SCGN: variants seen among roughly 807,000 people sequenced by gnomAD.
SCGN encodes the protein secretagogin, EF-hand calcium binding protein, also known as secretagogin.
Under a neutral mutation model 39.7 loss-of-function variants are expected in SCGN, and 30 were observed. The observed-to-expected ratio is 0.76, with a 90% confidence interval of 0.57 to 1.03. The LOEUF (loss-of-function observed/expected upper bound fraction) is 1.03. SCGN is among the 50% of genes least tolerant of loss of function. The pLI is 0.00. For missense variants in SCGN, 353 were observed against 349.4 expected (o/e 1.01, Z -0.08); for synonymous variants, 106 against 114.1 (o/e 0.93, Z 0.45).
intron 10 of SCGN, among the ~76,000 whole-genome samples, chr6:25,697,131 C>G (rs1038350650): frequency 1.3e-5 from 2 of 152,072 alleles, no homozygotes; most frequent in African/African-American, 4.8e-5. Flanking sequence ...GTAAAGTGAT[C>G]CTAAAGGAAC....
chr6:25,652,714 C>A (rs1286892343), intron 1 of SCGN, among the ~76,000 whole-genome samples: 3 of 152,168 alleles, frequency 2.0e-5, no homozygotes, highest in Admixed American at 2.0e-4. Flanking sequence ...CCTTTCCAAT[C>A]TCTCTTTGTG....
chr6:25,661,035 C>G (rs1002105989), intron 2 of SCGN, among the ~76,000 whole-genome samples: 7 of 152,158 alleles, frequency 4.6e-5, no homozygotes, highest in Admixed American at 4.6e-4. Flanking sequence ...TTGGTTAACT[C>G]GGCAATTACC....
intron 6 of SCGN, among the ~76,000 whole-genome samples, chr6:25,679,449 C>A (rs912647339): frequency 6.6e-6 from 1 of 151,838 alleles, no homozygotes; most frequent in African/African-American, 2.4e-5. Context: ...AAATGAGCAC[C>A]CTTGCAGCTT....
chr6:25,675,453 G>A (rs528528407), intron 6 of SCGN, among the ~76,000 whole-genome samples: 2 of 152,312 alleles, frequency 1.3e-5, no homozygotes, highest in Admixed American at 6.5e-5. Flanking sequence ...CTGCTTTCAC[G>A]CCACTGTAAG....
intron 2 of SCGN, among the ~76,000 whole-genome samples, chr6:25,657,476 C>T (rs1319769943): frequency 6.6e-6 from 1 of 152,002 alleles, no homozygotes; most frequent in African/African-American, 2.4e-5. Flanking sequence ...GTGAAAGGTG[C>T]TTTTAGTTGC....
At chr6:25,700,241 CAA>C (rs34079471) in intron 10 of SCGN, among the ~76,000 whole-genome samples, 3 of 100,860 alleles carry the variant, frequency 3.0e-5, no homozygotes, top group South Asian at 3.7e-4. Context: ...GACTTCGTCT[CAA>C]AAAAAAAAAA....
intron 2 of SCGN, among the ~76,000 whole-genome samples, chr6:25,656,520 C>CT (rs1760230687): frequency 6.6e-6 from 1 of 152,196 alleles, no homozygotes; most frequent in Non-Finnish European, 1.5e-5. Context: ...CAAACCTTTT[C>CT]TTTCCAAATG....
At chr6:25,689,341 G>A (rs1379149034) in intron 8 of SCGN, 124 bp downstream of exon 8, 13 of 1,136,192 alleles carry the variant, frequency 1.1e-5, no homozygotes, top group Non-Finnish European at 1.7e-5. Context: ...AAACAGACAA[G>A]GATCAGCATG....
At chr6:25,667,765 G>A (rs1186863159) in intron 4 of SCGN, among the ~76,000 whole-genome samples, 1 of 151,920 alleles carries the variant, frequency 6.6e-6, no homozygotes, top group Non-Finnish European at 1.5e-5. Flanking sequence ...TCTTTACTTT[G>A]TCTTTATTCT....
rs779105519 is a variant in SCGN, at chr6:25,669,991, C to A, written c.394-8C>A. 6.2e-7 allele frequency: 1 copy of A among 1,610,796 alleles called. No individual in the cohort carries two copies. The highest frequency in any genetic ancestry group is 2.2e-5 in the East Asian group (1 of 44,850). On this transcript the variant is annotated splice_polypyrimidine_tract_variant and splice_region_variant and intron_variant, in intron 5 of 10. Coordinates refer to ENST00000377961, the MANE Select transcript of SCGN (RefSeq NM_006998.4). ...ATATAAAGTATGATTCTTCTCTTGG[C>A]GCCACAGAACTTCCTCCGAGACCTC...
chr6:25,654,728 T>G (rs1006615697), intron 2 of SCGN, among the ~76,000 whole-genome samples: 1 of 152,156 alleles, frequency 6.6e-6, no homozygotes, highest in Non-Finnish European at 1.5e-5. Flanking sequence ...ATTTCTTTTC[T>G]CCACATTTTC....
At chr6:25,677,698 G>C (rs1267081183) in intron 6 of SCGN, among the ~76,000 whole-genome samples, 1 of 152,142 alleles carries the variant, frequency 6.6e-6, no homozygotes, top group African/African-American at 2.4e-5. Flanking sequence ...AAAGTTTCTG[G>C]AAGGATACAT....
At chr6:25,662,325 G>T (rs1238634650) in intron 3 of SCGN, among the ~76,000 whole-genome samples, 1 of 152,150 alleles carries the variant, frequency 6.6e-6, no homozygotes, top group Non-Finnish European at 1.5e-5. Flanking sequence ...TCCCTATTTT[G>T]CTGATAAGGA....
At chr6:25,663,556 A>T (rs1760377026) in intron 3 of SCGN, among the ~76,000 whole-genome samples, 1 of 152,240 alleles carries the variant, frequency 6.6e-6, no homozygotes, top group African/African-American at 2.4e-5. Context: ...CCAGGATATC[A>T]ATATTATTAT....
intron 10 of SCGN, among the ~76,000 whole-genome samples, chr6:25,700,419 T>A (rs2151384857): frequency 6.6e-6 from 1 of 152,234 alleles, no homozygotes; most frequent in Non-Finnish European, 1.5e-5. Flanking sequence ...TCAATTGGAA[T>A]CAGAGGACTA....
chr6:25,682,564 C>T (rs1168774061), intron 7 of SCGN, among the ~76,000 whole-genome samples: 1 of 152,162 alleles, frequency 6.6e-6, no homozygotes, highest in Non-Finnish European at 1.5e-5. Flanking sequence ...CATGTTTTGT[C>T]AAGTCTGGCT....
chr6:25,665,510 C>A (rs1281568822), intron 4 of SCGN, among the ~76,000 whole-genome samples: 1 of 152,168 alleles, frequency 6.6e-6, no homozygotes, highest in Non-Finnish European at 1.5e-5. Context: ...GCTAGTGGGC[C>A]TTCTGTTTAT....
chr6:25,652,435 G>A lies in SCGN; in HGVS notation c.32G>A (p.Arg11His), dbSNP rs768572995. ...AGCTCCCGGGAACCGACTCTGGGGC[G>A]CTTGGACGCCGCTGGCTTCTGGCAG... MDSSREPTLG[R>H]LDAAGFWQVW... Residue 11 changes from arginine (R) to histidine (H), a missense_variant, in exon 1 of 11, where the codon CGC becomes CAC. Coordinates refer to ENST00000377961, the MANE Select transcript of SCGN (RefSeq NM_006998.4). 3 of 1,614,128 alleles carry A rather than the reference G, an allele frequency of 1.9e-6. No homozygotes were observed. The African/African-American group carries it at 4.0e-5, about 22-fold the overall frequency.
Position 25,652,361 on chromosome 6 carries a change from C to T in SCGN, c.-43C>T. 6.5e-7 allele frequency: 1 copy of T among 1,540,570 alleles called. No individual in the cohort carries two copies. Among genetic ancestry groups the T allele is most frequent in the Non-Finnish European group, 9.0e-7 (1 of 1,113,228 alleles). Reference sequence around the variant, plus strand: ...GTGAAGGAGTCCTTCCCAAAGTTGTCTAGGTCCTTCCGCGCCGGTGCCTGG... The same window carrying T: ...GTGAAGGAGTCCTTCCCAAAGTTGTTTAGGTCCTTCCGCGCCGGTGCCTGG... On this transcript the variant is annotated 5_prime_UTR_variant, in exon 1 of 11. Transcript: ENST00000377961.
Sources: allele counts gnomAD v4.1 joint callset (sites outside exome capture counted in the v4.1 genomes callset), GRCh38; gene constraint gnomAD v4.1.1; transcripts MANE v1.5; gene names NCBI Gene and HGNC (gene_info 2026-07-23, HGNC 2026-07-21).